Variants in ADGRG5 observed in about 807,000 individuals in gnomAD.
The protein encoded by ADGRG5 is adhesion G protein-coupled receptor G5.
ADGRG5 carries 37 observed loss-of-function variants against 53.2 expected under a neutral mutation model. That is an observed-to-expected ratio of 0.70 (90% CI 0.53 to 0.91). ADGRG5 has a LOEUF of 0.91. ADGRG5 is among the 40% of genes least tolerant of loss of function. ADGRG5 has a pLI of 0.00. For synonymous variants in ADGRG5, 277 were observed against 290.4 expected, an observed-to-expected ratio of 0.95 and a Z score of 0.47; for missense variants, 614 against 675.8, an observed-to-expected ratio of 0.91 and a Z score of 1.01.
At chr16:57,534,672 C>A in the ADGRG5 span, among the ~76,000 whole-genome samples, 1 of 152,146 alleles carries the variant, frequency 6.6e-6, no homozygotes. Flanking sequence ...GGAAGGTACC[C>A]CTAAGAAGGT....
intron 10 of ADGRG5, among the ~76,000 whole-genome samples, chr16:57,571,686 G>A (rs1344340989): frequency 8.2e-6 from 1 of 122,216 alleles, no homozygotes; most frequent in Non-Finnish European, 1.6e-5. Flanking sequence ...ATGGAGTTTC[G>A]CTCTTGTTGC....
intron 11 of ADGRG5, 89 bp from the exon 12 acceptor site, chr16:57,575,349 C>T: frequency 7.9e-7 from 1 of 1,261,418 alleles, no homozygotes; most frequent in Non-Finnish European, 1.1e-6. Flanking sequence ...CCCATGGGCC[C>T]CAGGGAGGCC....
chr16:57,551,922 G>A (rs1420956728), intron 1 of ADGRG5, among the ~76,000 whole-genome samples: 2 of 152,188 alleles, frequency 1.3e-5, no homozygotes, highest in Non-Finnish European at 2.9e-5. Context: ...CAGAATGGAT[G>A]TTGTGTTAGC....
intron 10 of ADGRG5, among the ~76,000 whole-genome samples, chr16:57,573,342 G>C (rs2033414591): frequency 6.6e-6 from 1 of 150,592 alleles, no homozygotes; most frequent in African/African-American, 2.4e-5. Flanking sequence ...GCTGAGAGAG[G>C]AGAATTGCTT....
At position 57,575,591 on chromosome 16, in the gene ADGRG5, G is replaced by A; in HGVS notation, c.*53G>A. On this transcript the variant is annotated 3_prime_UTR_variant, in exon 12 of 12. Transcript: ENST00000349457. ...GCCTCTCTGGCCGCCAGTAGCCTGA[G>A]GCTACGGCTCCTGCTAGAGAGGGTG... 7.0e-7 allele frequency: 1 copy of A among 1,431,388 alleles called. No individual in the cohort carries two copies. Among genetic ancestry groups the A allele is most frequent in the South Asian group, 1.2e-5 (1 of 86,942 alleles). The allele number at this position is 1,431,388 out of a possible 1,614,324, so 88.7% of individuals were successfully genotyped here.
upstream of ADGRG5, among the ~76,000 whole-genome samples, chr16:57,539,454 CTT>C (rs35729717): frequency 4.1e-4 from 58 of 141,498 alleles, no homozygotes; most frequent in African/African-American, 1.3e-3. Flanking sequence ...CACTGTACCC[CTT>C]TTTTTTTTTT....
At position 57,574,262 on chromosome 16, in the gene ADGRG5, C is replaced by T. The variant is rs1239970612; in HGVS notation, c.1209-553C>T. Among the ~76,000 whole-genome samples, 8 of 152,196 alleles carry T rather than the reference C, an allele frequency of 5.3e-5. No individual in the cohort carries two copies. The highest frequency in any genetic ancestry group is 1.9e-4 in the African/African-American group (8 of 41,450). On this transcript the variant is annotated intron_variant, in intron 10 of 11. Transcript: ENST00000349457. The surrounding 1 kb of genome is among the most constrained non-coding windows in gnomAD (Gnocchi z 4.4). The stretch of plus-strand genomic sequence containing the variant: ...GCGGCTCTGTGTGCTCTCAGGTTGA[C>T]ACTTGGAGGGTCCCTGTCCACCAAG...
chr16:57,567,281 AGAG>A (rs2033159613), intron 7 of ADGRG5, among the ~76,000 whole-genome samples, 186 bp from the exon 8 acceptor site: 1 of 152,210 alleles, frequency 6.6e-6, no homozygotes, highest in Non-Finnish European at 1.5e-5. Context: ...TCATAGAAGA[AGAG>A]GGAGATGGGA....
chr16:57,555,776 T>C (rs550114555), intron 1 of ADGRG5, among the ~76,000 whole-genome samples: 6 of 152,332 alleles, frequency 3.9e-5, no homozygotes, highest in African/African-American at 1.2e-4. Context: ...TCTTACTTAT[T>C]GATATGGTTT....
At chr16:57,568,589 CCATCATCACCAT>C (rs2146817923) in intron 9 of ADGRG5, among the ~76,000 whole-genome samples, 1 of 151,788 alleles carries the variant, frequency 6.6e-6, no homozygotes, top group East Asian at 2.0e-4. Context: ...ACCTCCTCCA[CCATCATCACCAT>C]CATCATCACC....
chr16:57,564,353 A>G (rs1319375802), intron 5 of ADGRG5, among the ~76,000 whole-genome samples: 7 of 142,248 alleles, frequency 4.9e-5, no homozygotes, highest in East Asian at 2.0e-4. Flanking sequence ...TCTGTTGCCC[A>G]GGCTGGAGTG....
chr16:57,564,884 AAGGCTGGG>A (rs373712802), intron 5 of ADGRG5, 142 bp from the exon 6 acceptor site: 34 of 586,116 alleles, frequency 5.8e-5, no homozygotes, highest in Admixed American at 3.1e-4. Flanking sequence ...GGAGGCTGGG[AAGGCTGGG>A]AGGCTGGGAG....
chr16:57,530,135 T>C, the ADGRG5 span, among the ~76,000 whole-genome samples: 4 of 152,202 alleles, frequency 2.6e-5, no homozygotes, highest in Non-Finnish European at 5.9e-5. Context: ...AAAGGGCTTC[T>C]GAGAGTGCAG....
chr16:57,566,631 G>A lies in ADGRG5; in HGVS notation c.579G>A (p.Lys193=). The A allele has an allele frequency of 6.3e-7, 1 of 1,577,588 alleles. No individual in the cohort carries two copies. The highest frequency in any genetic ancestry group is 8.6e-7 in the Non-Finnish European group (1 of 1,162,944). The part of the protein sequence containing the change: ...EGYTLTCVFW[K]EGARKQPWGG... ...ACACCCTGACCTGTGTCTTCTGGAA[G>A]GAGGGAGCCAGGAAACAGCCCTGGG... Residue 193 remains lysine (K), a synonymous_variant, in exon 7 of 12, where the codon AAG becomes AAA. Transcript: ENST00000349457.
intron 1 of ADGRG5, among the ~76,000 whole-genome samples, chr16:57,554,575 AC>A (rs1160173157): frequency 2.6e-5 from 4 of 151,844 alleles, no homozygotes; most frequent in Non-Finnish European, 5.9e-5. Flanking sequence ...ATGGGGTTTC[AC>A]CGTGTTAGCC....
Position 57,568,074 on chromosome 16 carries a change from A to G in ADGRG5, c.1040A>G (p.Tyr347Cys), listed in dbSNP as rs2033194683. 1 of 1,613,886 alleles carries G rather than the reference A, an allele frequency of 6.2e-7. No individual in the cohort carries two copies. The highest frequency in any genetic ancestry group is 8.5e-7 in the Non-Finnish European group (1 of 1,179,934). The change falls in exon 9 of 12, where the codon TAC (tyrosine) becomes TGC (cysteine). Residue 347 changes from tyrosine to cysteine, a missense_variant. By Grantham distance (194) the Tyr-to-Cys change is radical. Coordinates refer to ENST00000349457, the MANE Select transcript of ADGRG5 (RefSeq NM_001304376.3). ...CTCTACCTCCTCCTCGGGCGTGTCT[A>G]CAACATCTACATCCGCAGATATGTG... Reference protein sequence around the residue: ...FNLYLLLGRVYNIYIRRYVFK... With the variant: ...FNLYLLLGRVCNIYIRRYVFK...
At chr16:57,575,145 G>T in intron 11 of ADGRG5, 53 bp downstream of exon 11, 1 of 1,564,600 alleles carries the variant, frequency 6.4e-7, no homozygotes. Flanking sequence ...GTGTATGGCT[G>T]GTGGGATGTT....
At chr16:57,539,900 A>G (rs555675255), upstream of ADGRG5, among the ~76,000 whole-genome samples, 3 of 152,264 alleles carry the variant, frequency 2.0e-5, no homozygotes, top group East Asian at 1.9e-4. Flanking sequence ...AGATTGAAAA[A>G]TGGGGAAAAA....
At chr16:57,532,769 C>T in the ADGRG5 span, among the ~76,000 whole-genome samples, 1 of 152,092 alleles carries the variant, frequency 6.6e-6, no homozygotes, top group Non-Finnish European at 1.5e-5. Flanking sequence ...TTTTCCTGGC[C>T]TAGCTCCACA....
Sources: allele counts gnomAD v4.1 joint callset (sites outside exome capture counted in the v4.1 genomes callset), GRCh38; gene constraint gnomAD v4.1.1; non-coding constraint Gnocchi (gnomAD v3.1); transcripts MANE v1.5; gene names NCBI Gene and HGNC (gene_info 2026-07-23, HGNC 2026-07-21).